Variants in ODAD4 observed in about 807,000 individuals in gnomAD.
ODAD4 encodes outer dynein arm-docking complex subunit 4.
ODAD4 carries 49 observed loss-of-function variants against 51.8 expected under a neutral mutation model. The observed-to-expected ratio is 0.95, with a 90% confidence interval of 0.75 to 1.20. ODAD4 has a LOEUF of 1.20. Among genes scored for constraint, ODAD4 ranks in the 50% most tolerant of loss-of-function variants. The pLI is 0.00. For missense variants in ODAD4, 590 were observed against 586.5 expected (o/e 1.01, Z -0.06); for synonymous variants, 235 against 221.3 (o/e 1.06, Z -0.55).
chr17:41,955,898 G>A (rs1555640943), intron 10 of ODAD4, among the ~76,000 whole-genome samples: 2 of 151,646 alleles, frequency 1.3e-5, no homozygotes, highest in Non-Finnish European at 1.5e-5. Flanking sequence ...TTGCAGCCTC[G>A]ACCTCCTGGG....
chr17:41,945,976 A>G (rs2050579566), intron 8 of ODAD4, among the ~76,000 whole-genome samples: 1 of 152,190 alleles, frequency 6.6e-6, no homozygotes, highest in African/African-American at 2.4e-5. Context: ...AGAAGGACAA[A>G]TGCAGTGTTG....
Position 41,961,291 on chromosome 17 carries a change from C to T in ODAD4, c.1444-91C>T. 5.9e-6 allele frequency: 4 copies of T among 682,750 alleles called. 1 individual carries two copies. The South Asian group carries it at 6.4e-5, about 11-fold the overall frequency. 42.3% of individuals were successfully genotyped at this position (682,750 alleles called of 1,614,324 possible). ...GAAACCAAGGGTGGCAGGTTCCCAC[C>T]AGAGCCCTGCCTTCTGGGATTGATC... On this transcript the variant is annotated intron_variant, in intron 10 of 11. Coordinates refer to ENST00000377540, the MANE Select transcript of ODAD4 (RefSeq NM_031421.5).
intron 9 of ODAD4, among the ~76,000 whole-genome samples, chr17:41,954,426 G>A (rs2050700861): frequency 6.6e-6 from 1 of 152,126 alleles, no homozygotes; most frequent in East Asian, 1.9e-4. Flanking sequence ...TTTTTCTACG[G>A]GTTCAGATTG....
chr17:41,935,030 G>A (rs913466896), intron 1 of ODAD4, among the ~76,000 whole-genome samples, 187 bp from the exon 2 acceptor site: 9 of 152,278 alleles, frequency 5.9e-5, no homozygotes, highest in South Asian at 2.1e-4. Context: ...AGCGCAGATC[G>A]GAGTTGTTCT....
chr17:41,941,243 G>T (rs1042683926), intron 7 of ODAD4, among the ~76,000 whole-genome samples: 9 of 152,180 alleles, frequency 5.9e-5, no homozygotes, highest in Admixed American at 1.3e-4. Context: ...CAACTCCTGT[G>T]GTTGGGATGA....
At chr17:41,953,211 C>T (rs2050683023) in intron 9 of ODAD4, among the ~76,000 whole-genome samples, 1 of 152,122 alleles carries the variant, frequency 6.6e-6, no homozygotes, top group Non-Finnish European at 1.5e-5. Context: ...CATGCGTCCA[C>T]CACCATGCCT....
At chr17:41,950,216 C>T (rs1294743025) in intron 9 of ODAD4, among the ~76,000 whole-genome samples, 1 of 152,086 alleles carries the variant, frequency 6.6e-6, no homozygotes, top group Non-Finnish European at 1.5e-5. Flanking sequence ...GTGATCCACC[C>T]GCCTCAGCTT....
At chr17:41,934,038 C>CTTTTTTTT (rs782039270) in intron 1 of ODAD4, among the ~76,000 whole-genome samples, 85 of 65,526 alleles carry the variant, frequency 1.3e-3, no homozygotes, top group East Asian at 2.0e-3. Context: ...TTCTTTCTTT[C>CTTTTTTTT]TTTTTTTTTT....
At chr17:41,937,752 G>A (rs1176385260) in intron 5 of ODAD4, among the ~76,000 whole-genome samples, 1 of 152,014 alleles carries the variant, frequency 6.6e-6, no homozygotes, top group Admixed American at 6.5e-5. Context: ...GATTACAGGT[G>A]TGAGCCACTA....
At chr17:41,949,546 G>A (rs2050627649) in intron 9 of ODAD4, among the ~76,000 whole-genome samples, 197 bp downstream of exon 9, 1 of 152,152 alleles carries the variant, frequency 6.6e-6, no homozygotes, top group African/African-American at 2.4e-5. Flanking sequence ...TTAGAGCTTG[G>A]GGTACCTTGA....
chr17:41,941,781 AAAGAG>A (rs1321384924), intron 7 of ODAD4, among the ~76,000 whole-genome samples: 19 of 151,620 alleles, frequency 1.3e-4, no homozygotes, highest in South Asian at 1.0e-3. Context: ...AAAAAAAAAA[AAAGAG>A]AGAAAAGAAA....
intron 3 of ODAD4, among the ~76,000 whole-genome samples, chr17:41,936,111 A>G (rs1235253395): frequency 6.6e-6 from 1 of 152,176 alleles, no homozygotes; most frequent in Non-Finnish European, 1.5e-5. Context: ...TCCTCACCAG[A>G]CGCATACCAA....
At chr17:41,962,584 G>C (rs2050820519) in intron 11 of ODAD4, among the ~76,000 whole-genome samples, 1 of 152,202 alleles carries the variant, frequency 6.6e-6, no homozygotes, top group African/African-American at 2.4e-5. Flanking sequence ...CATCCTATCT[G>C]TATCTGTTCA....
At chr17:41,943,008 A>G (rs1276285120) in intron 7 of ODAD4, among the ~76,000 whole-genome samples, 1 of 152,098 alleles carries the variant, frequency 6.6e-6, no homozygotes, top group Non-Finnish European at 1.5e-5. Flanking sequence ...GTCTACTGGC[A>G]TGAACCATTG....
At position 41,949,227 on chromosome 17, in the gene ODAD4, A is replaced by T; in HGVS notation, c.1220A>T (p.Tyr407Phe). The stretch of plus-strand genomic sequence containing the variant: ...CTGTTCCACGAGATCGGCCGCTGCT[A>T]CTTGGAGCTGGACCAGGCCTGGCAG... ...TWLFHEIGRC[Y>F]LELDQAWQAQ... is the part of the protein sequence containing the mutation. Residue 407 changes from tyrosine to phenylalanine, a missense_variant, in exon 9 of 12, where the codon TAC becomes TTC. Tyr to Phe is a conservative substitution (Grantham distance 22). Around this residue, in one of 3 missense-constraint regions of ODAD4, gnomAD observed 226 missense variants for 162.7 expected, o/e 1.39. Coordinates refer to ENST00000377540, the MANE Select transcript of ODAD4 (RefSeq NM_031421.5). The T allele has an allele frequency of 2.5e-6, 1 of 398,564 alleles. No individual in the cohort carries two copies. The highest frequency in any genetic ancestry group is 4.4e-6 in the Non-Finnish European group (1 of 226,072). The allele number at this position is 398,564 out of a possible 1,614,324, so 24.7% of individuals were successfully genotyped here.
At chr17:41,939,855 G>A (rs535155276) in intron 7 of ODAD4, among the ~76,000 whole-genome samples, 30 of 152,110 alleles carry the variant, frequency 2.0e-4, no homozygotes, top group Admixed American at 3.3e-4. Context: ...AACTTGCACC[G>A]CCCAGCCGTG....
Position 41,938,986 on chromosome 17 carries a change from A to C in ODAD4, c.872A>C (p.Glu291Ala), listed in dbSNP as rs782250756. The change falls in exon 7 of 12, where the codon GAA becomes GCA. Residue 291 changes from glutamate (E) to alanine (A), a missense_variant. Coordinates refer to ENST00000377540, the MANE Select transcript of ODAD4 (RefSeq NM_031421.5). ...TCAGTGCTCACAAGTGGCAGTGCTG[A>C]AGGGAGTCTTCAGAAAGCTGAGAAA... The part of the protein sequence containing the change: ...IDMLLTSGSA[E>A]GSLQKAEKVL... 1.9e-6 allele frequency: 3 copies of C among 1,611,186 alleles called. No homozygotes were observed. The Admixed American group carries it at 5.1e-5, about 27-fold the overall frequency.
Position 41,965,376 on chromosome 17 carries a change from C to T in ODAD4, c.1912C>T (p.Leu638Phe). 1 of 780,598 alleles carries T rather than the reference C, an allele frequency of 1.3e-6. No homozygotes were observed. The highest frequency in any genetic ancestry group is 2.4e-6 in the Non-Finnish European group (1 of 417,948). 48.4% of individuals were successfully genotyped at this position (780,598 alleles called of 1,614,324 possible). A position where few individuals can be genotyped will look rare whatever the true frequency, so the allele number is the denominator to read the frequency against. ...SRQEPEELKK[L>F]SEVGRREPEE... ...ACAGGAACCAGAAGAACTAAAGAAA[C>T]TTTCAGAAGTGGGCAGAAGAGAGCC... The change falls in exon 12 of 12, where the codon CTT becomes TTT. Residue 638 changes from leucine to phenylalanine, a missense_variant. Around this residue, in one of 3 missense-constraint regions of ODAD4, gnomAD observed 226 missense variants for 162.7 expected, o/e 1.39. Coordinates refer to ENST00000377540, the MANE Select transcript of ODAD4 (RefSeq NM_031421.5).
rs538087587 is a variant in ODAD4, at chr17:41,930,666, G to C, written c.-58G>C. 6.7e-5 allele frequency: 76 copies of C among 1,135,802 alleles called. No homozygotes were observed. The African/African-American group carries it at 1.0e-3, about 15-fold the overall frequency. The allele number at this position is 1,135,802 out of a possible 1,614,324, so 70.4% of individuals were successfully genotyped here. On this transcript the variant is annotated 5_prime_UTR_variant, in exon 1 of 12. Transcript: ENST00000377540. Reference sequence around the variant, plus strand: ...AAACGGAGCTTCCACAAACCAGATAGAGGTTCTCCAGCTTTTCTTTGATTG... The same window carrying C: ...AAACGGAGCTTCCACAAACCAGATACAGGTTCTCCAGCTTTTCTTTGATTG...
Sources: allele counts gnomAD v4.1 joint callset (sites outside exome capture counted in the v4.1 genomes callset), GRCh38; gene constraint gnomAD v4.1.1; regional missense constraint gnomAD v4.1.1; transcripts MANE v1.5; gene names NCBI Gene and HGNC (gene_info 2026-07-23, HGNC 2026-07-21).